Variants in HERC1 observed in about 807,000 individuals in gnomAD.
HERC1 encodes the protein probable E3 ubiquitin-protein ligase HERC1.
In HERC1, 160 loss-of-function variants were observed where a neutral mutation model predicts 554.3. That is an observed-to-expected ratio of 0.29 (90% CI 0.25 to 0.33). The LOEUF is 0.33. Among genes scored for constraint, HERC1 ranks in the 10% least tolerant of loss-of-function variants. HERC1 has a pLI of 1.00. For synonymous variants in HERC1, 2,175 were observed against 2,131.7 expected (o/e 1.02, Z -0.56); for missense variants, 4,919 against 5,918.5 (o/e 0.83, Z 5.54).
At chr15:63,755,657 A>G (rs2075398168) in intron 5 of HERC1, among the ~76,000 whole-genome samples, 1 of 152,134 alleles carries the variant, frequency 6.6e-6, no homozygotes, top group Admixed American at 6.6e-5. Flanking sequence ...GCGCATGTCT[A>G]TAGTCCCAGC....
chr15:63,816,912 A>G (rs2077510290), intron 1 of HERC1, among the ~76,000 whole-genome samples: 1 of 152,368 alleles, frequency 6.6e-6, no homozygotes, highest in East Asian at 1.9e-4. Flanking sequence ...ACAAAGAGAC[A>G]TAAGACCTTA....
intron 19 of HERC1, among the ~76,000 whole-genome samples, chr15:63,722,197 A>C (rs894259317): frequency 6.6e-6 from 1 of 152,180 alleles, no homozygotes; most frequent in African/African-American, 2.4e-5. Flanking sequence ...TAATATTAGA[A>C]ACTGAAATAC....
chr15:63,654,073 C>A (rs769281305), intron 51 of HERC1, 46 bp downstream of exon 51: 2 of 1,454,958 alleles, frequency 1.4e-6, no homozygotes, highest in South Asian at 2.3e-5. Flanking sequence ...GAGACTATTT[C>A]ATCTTACATA....
At chr15:63,790,115 C>T (rs577152161) in intron 1 of HERC1, among the ~76,000 whole-genome samples, 9 of 152,248 alleles carry the variant, frequency 5.9e-5, no homozygotes, top group African/African-American at 2.2e-4. Flanking sequence ...ATAAAAGAAC[C>T]TCTATCATTG....
intron 65 of HERC1, among the ~76,000 whole-genome samples, chr15:63,635,254 G>T (rs1332360719): frequency 6.6e-6 from 1 of 152,124 alleles, no homozygotes; most frequent in Non-Finnish European, 1.5e-5. Flanking sequence ...TTGCTATGTT[G>T]TCTAGGCTGG....
intron 53 of HERC1, 40 bp from the exon 54 acceptor site, chr15:63,649,965 T>C (rs754960779): frequency 1.9e-5 from 27 of 1,439,016 alleles, no homozygotes; most frequent in Non-Finnish European, 9.5e-7. Context: ...TACTTAATTC[T>C]TAAAAAGAAA....
At chr15:63,819,924 T>C (rs1038297052) in intron 1 of HERC1, among the ~76,000 whole-genome samples, 1 of 152,182 alleles carries the variant, frequency 6.6e-6, no homozygotes, top group African/African-American at 2.4e-5. Context: ...CAAATAAGGT[T>C]TTACCCCATA....
At chr15:63,620,438 T>G (rs1566944927) in intron 74 of HERC1, among the ~76,000 whole-genome samples, 1 of 152,046 alleles carries the variant, frequency 6.6e-6, no homozygotes, top group Non-Finnish European at 1.5e-5. Context: ...TTGGAATAGG[T>G]GTGGTGTGGT....
intron 18 of HERC1, among the ~76,000 whole-genome samples, chr15:63,725,043 T>C (rs2073984001): frequency 2.6e-5 from 4 of 152,282 alleles, no homozygotes; most frequent in Middle Eastern, 3.4e-3. Context: ...TTGCTCAAAA[T>C]GAGTGATAAA....
At chr15:63,678,618 A>G (rs976477791) in intron 36 of HERC1, among the ~76,000 whole-genome samples, 1 of 152,270 alleles carries the variant, frequency 6.6e-6, no homozygotes, top group East Asian at 1.9e-4. Context: ...GATGTTAGGA[A>G]AATTTGAAAG....
chr15:63,637,201 C>G (rs1204645397), intron 64 of HERC1: 2 of 500,312 alleles, frequency 4.0e-6, no homozygotes, highest in Admixed American at 4.6e-5. Context: ...TGCATGATTG[C>G]TACTGCTATT....
At chr15:63,831,818 A>T (rs780953094) in intron 1 of HERC1, among the ~76,000 whole-genome samples, 17 of 152,210 alleles carry the variant, frequency 1.1e-4, no homozygotes, top group Non-Finnish European at 2.1e-4. Flanking sequence ...TTTTCAAGAG[A>T]TGTTTATATT....
At chr15:63,664,117 C>T (rs992339577) in intron 43 of HERC1, among the ~76,000 whole-genome samples, 4 of 152,150 alleles carry the variant, frequency 2.6e-5, no homozygotes, top group Non-Finnish European at 4.4e-5. Flanking sequence ...TGGCACAGTG[C>T]CCTTTCCAGC....
intron 1 of HERC1, among the ~76,000 whole-genome samples, chr15:63,826,537 T>C (rs1266967132): frequency 6.6e-6 from 1 of 151,882 alleles, no homozygotes; most frequent in African/African-American, 2.4e-5. Context: ...CAAAAGTATT[T>C]TAGAGCACAG....
intron 25 of HERC1, among the ~76,000 whole-genome samples, chr15:63,701,723 G>A (rs777179253): frequency 1.3e-5 from 2 of 152,054 alleles, no homozygotes; most frequent in Non-Finnish European, 2.9e-5. Flanking sequence ...GAAGCATCAG[G>A]ATAAATAATT....
At position 63,666,431 on chromosome 15, in the gene HERC1, G is replaced by T. The variant is rs1297587402; in HGVS notation, c.8248C>A (p.Pro2750Thr). ...PSSRLSTSPP[P>T]PAIAVPLLEM... ...AGCAAGGGAACTGCAATTGCTGGAGGAGGAGGAGAAGTTGAAAGTCTACTG... is the reference window on the plus strand; with the variant it reads ...AGCAAGGGAACTGCAATTGCTGGAGTAGGAGGAGAAGTTGAAAGTCTACTG... Residue 2750 changes from proline to threonine, a missense_variant, in exon 41 of 78, where the codon CCT becomes ACT. Coordinates refer to ENST00000443617, the MANE Select transcript of HERC1 (RefSeq NM_003922.4). 6.2e-7 allele frequency: 1 copy of T among 1,613,622 alleles called. No homozygotes were observed. The highest frequency in any genetic ancestry group is 8.5e-7 in the Non-Finnish European group (1 of 1,179,742).
At chr15:63,628,178 G>A (rs547725328) in intron 70 of HERC1, among the ~76,000 whole-genome samples, 4 of 152,142 alleles carry the variant, frequency 2.6e-5, no homozygotes, top group Non-Finnish European at 5.9e-5. Flanking sequence ...ATCACTGGAG[G>A]TCAGGAATTT....
intron 67 of HERC1, 99 bp from the exon 68 acceptor site, chr15:63,632,910 A>T: frequency 1.3e-6 from 1 of 768,066 alleles, no homozygotes; most frequent in Non-Finnish European, 2.1e-6. Context: ...TCCAACAAAA[A>T]TACTAATTGT....
At chr15:63,701,066 G>C (rs1215036329) in intron 25 of HERC1, among the ~76,000 whole-genome samples, 1 of 151,444 alleles carries the variant, frequency 6.6e-6, no homozygotes, top group Non-Finnish European at 1.5e-5. Context: ...TAGAATAAAA[G>C]GTTCTTCTAG....
Sources: gnomAD v4.1 joint callset for allele counts (sites outside exome capture counted in the v4.1 genomes callset) on GRCh38, gnomAD v4.1.1 for gene constraint, MANE v1.5 for transcripts, NCBI Gene and HGNC (gene_info 2026-07-23, HGNC 2026-07-21) for gene names.